The following SNTG1 variants were observed in gnomAD, a reference collection of about 807,000 sequenced individuals.
SNTG1 encodes syntrophin gamma 1, also known as gamma-1-syntrophin.
In SNTG1, 39 loss-of-function variants were observed where a neutral mutation model predicts 74.7. The ratio of observed to expected loss-of-function variants is 0.52; its 90% CI spans 0.40 to 0.68. SNTG1 has a LOEUF of 0.68. Among genes scored for constraint, SNTG1 ranks in the 30% least tolerant of loss-of-function variants. The probability of loss-of-function intolerance (pLI) is 0.00; values close to 1 mark genes in which losing one functional copy is unlikely to be tolerated. For missense variants in SNTG1, 685 were observed against 609.5 expected, an observed-to-expected ratio of 1.12 and a Z score of -1.30; for synonymous variants, 254 against 217.1, an observed-to-expected ratio of 1.17 and a Z score of -1.49.
At chr8:50,101,478 A>G (rs1196782361) in intron 1 of SNTG1, among the ~76,000 whole-genome samples, 1 of 152,090 alleles carries the variant, frequency 6.6e-6, no homozygotes, top group Non-Finnish European at 1.5e-5. Flanking sequence ...CATCTGGCTG[A>G]TGTGAGAGAA....
At chr8:50,743,577 C>CA (rs58793055) in intron 17 of SNTG1, among the ~76,000 whole-genome samples, 15,540 of 151,120 alleles carry the variant, frequency 0.1, 2,222 homozygotes, top group African/African-American at 0.32. Context: ...AAATCAGGAA[C>CA]AAGAATACTT....
intron 2 of SNTG1, among the ~76,000 whole-genome samples, chr8:50,292,642 A>G (rs2089171999): frequency 6.6e-6 from 1 of 152,112 alleles, no homozygotes; most frequent in South Asian, 2.1e-4. Flanking sequence ...GATGTGGGTT[A>G]GGTTTCTAGG....
intron 1 of SNTG1, among the ~76,000 whole-genome samples, chr8:50,147,879 T>C (rs1295801684): frequency 5.3e-5 from 8 of 152,264 alleles, no homozygotes; most frequent in African/African-American, 1.7e-4. Context: ...TACTCTCTAA[T>C]GAAATGAACC....
rs2091532737 is a variant in SNTG1 at position 50,347,988 on chromosome 8, CAT to C, written c.-27-46223_-27-46222del. Among the ~76,000 whole-genome samples the C allele has an allele frequency of 1.6e-4, 25 of 152,120 alleles. 2 individuals carry two copies. The highest frequency in any genetic ancestry group is 3.9e-4 in the Admixed American group (6 of 15,270). On this transcript the variant is annotated intron_variant, in intron 2 of 18. Transcript: ENST00000642720. ...TGTTTGCTTTCACTTCCCCAAGAAA[CAT>C]TTTTACATACTGTAAGGTTGAGATC...
At chr8:50,262,577 T>G (rs931411190) in intron 2 of SNTG1, among the ~76,000 whole-genome samples, 4 of 151,938 alleles carry the variant, frequency 2.6e-5, no homozygotes, top group Non-Finnish European at 4.4e-5. Flanking sequence ...CCCAGCTAAT[T>G]TTTTTATATT....
chr8:49,980,006 C>T (rs982372094), intron 1 of SNTG1, among the ~76,000 whole-genome samples: 4 of 152,302 alleles, frequency 2.6e-5, no homozygotes, highest in South Asian at 2.1e-4. Flanking sequence ...CTCATATTGT[C>T]AGGGTAAAAG....
At chr8:50,719,721 G>A (rs960010169) in intron 17 of SNTG1, among the ~76,000 whole-genome samples, 5 of 152,010 alleles carry the variant, frequency 3.3e-5, no homozygotes, top group Non-Finnish European at 7.4e-5. Context: ...TGAATTTGGG[G>A]CATTCTTTTG....
chr8:50,727,038 T>A lies in SNTG1; in HGVS notation c.1284+18060T>A, dbSNP rs148461157. On this transcript the variant is annotated intron_variant, in intron 17 of 18. Transcript: ENST00000642720. ...AAGGGAGTGGGCTTACATTATACAA[T>A]GTGGAATGTCAAGAGTAGAGAAAAT... Among the ~76,000 whole-genome samples the A allele has an allele frequency of 2.9e-3, 447 of 152,214 alleles. 3 individuals are homozygous for A. The highest frequency in any genetic ancestry group is 0.01 in the African/African-American group (432 of 41,518).
chr8:50,688,880 T>C (rs914498385), intron 15 of SNTG1, among the ~76,000 whole-genome samples: 5 of 152,174 alleles, frequency 3.3e-5, no homozygotes, highest in Admixed American at 2.6e-4. Context: ...TGATTCTTCC[T>C]ACCCATGAGC....
chr8:50,722,933 T>G (rs545453112), intron 17 of SNTG1, among the ~76,000 whole-genome samples: 1 of 152,342 alleles, frequency 6.6e-6, no homozygotes, highest in Non-Finnish European at 1.5e-5. Flanking sequence ...ATAGGTATCT[T>G]AAATCCATTA....
chr8:50,028,290 T>C (rs1817440238), intron 1 of SNTG1, among the ~76,000 whole-genome samples: 1 of 152,192 alleles, frequency 6.6e-6, no homozygotes, highest in South Asian at 2.1e-4. Flanking sequence ...CATATCAATA[T>C]TCAGTTTGTT....
At chr8:50,210,931 G>A (rs896604231) in intron 2 of SNTG1, among the ~76,000 whole-genome samples, 1 of 152,148 alleles carries the variant, frequency 6.6e-6, no homozygotes, top group Admixed American at 6.5e-5. Context: ...TCTTAGCTAA[G>A]TCATGTATCT....
At chr8:50,005,185 A>G (rs1815098906) in intron 1 of SNTG1, among the ~76,000 whole-genome samples, 1 of 151,772 alleles carries the variant, frequency 6.6e-6, no homozygotes, top group South Asian at 2.1e-4. Flanking sequence ...ATAAAAGCAT[A>G]CCTAAAGAAG....
intron 2 of SNTG1, among the ~76,000 whole-genome samples, chr8:50,261,132 G>A (rs1464274542): frequency 6.6e-6 from 1 of 151,958 alleles, no homozygotes; most frequent in East Asian, 1.9e-4. Flanking sequence ...TTCAAACACA[G>A]ATCAAAAAAA....
At chr8:50,724,742 A>T (rs773361579) in intron 17 of SNTG1, among the ~76,000 whole-genome samples, 5 of 152,120 alleles carry the variant, frequency 3.3e-5, no homozygotes, top group Non-Finnish European at 4.4e-5. Context: ...GAAGAATTTG[A>T]TCTTGCTACA....
At chr8:50,375,877 A>G (rs774577154) in intron 2 of SNTG1, among the ~76,000 whole-genome samples, 1 of 152,208 alleles carries the variant, frequency 6.6e-6, no homozygotes, top group African/African-American at 2.4e-5. Context: ...GCTCCAGGTT[A>G]TATAGCAACT....
chr8:50,324,032 G>A (rs1244655218), intron 2 of SNTG1, among the ~76,000 whole-genome samples: 1 of 152,124 alleles, frequency 6.6e-6, no homozygotes, highest in African/African-American at 2.4e-5. Context: ...CCTAGCACTA[G>A]GATTTGCCTA....
At chr8:50,318,060 T>G (rs979841928) in intron 2 of SNTG1, among the ~76,000 whole-genome samples, 2 of 152,056 alleles carry the variant, frequency 1.3e-5, no homozygotes, top group African/African-American at 4.8e-5. Flanking sequence ...AAGGTCTCGA[T>G]CTCCTGACCT....
intron 15 of SNTG1, among the ~76,000 whole-genome samples, chr8:50,666,415 T>C (rs1395347096): frequency 6.6e-6 from 1 of 152,096 alleles, no homozygotes; most frequent in African/African-American, 2.4e-5. Context: ...GATTGCATTG[T>C]GTTTATGTAG....
Sources: gnomAD v4.1 joint callset for allele counts (sites outside exome capture counted in the v4.1 genomes callset) on GRCh38, gnomAD v4.1.1 for gene constraint, MANE v1.5 for transcripts, NCBI Gene and HGNC (gene_info 2026-07-23, HGNC 2026-07-21) for gene names.